Variants in RPS6KA2 observed in about 807,000 individuals in gnomAD.
The protein encoded by RPS6KA2 is ribosomal protein S6 kinase A2, also known as ribosomal protein S6 kinase alpha-2.
In RPS6KA2, 42 loss-of-function variants were observed where a neutral mutation model predicts 91.8. The ratio of observed to expected loss-of-function variants is 0.46; its 90% CI spans 0.36 to 0.59. RPS6KA2 has a LOEUF of 0.59. Among genes scored for constraint, RPS6KA2 ranks in the 20% least tolerant of loss-of-function variants. The pLI is 0.00. For synonymous variants in RPS6KA2, 414 were observed against 393.6 expected, an observed-to-expected ratio of 1.05 and a Z score of -0.61; for missense variants, 798 against 978.5, an observed-to-expected ratio of 0.82 and a Z score of 2.46.
At chr6:166,793,154 G>A (rs1056243806) in intron 2 of RPS6KA2, among the ~76,000 whole-genome samples, 3 of 152,124 alleles carry the variant, frequency 2.0e-5, no homozygotes, top group Non-Finnish European at 2.9e-5. Context: ...AACTTCAGCA[G>A]TCTCAGGATA....
chr6:166,512,239 A>T (rs6936221), intron 3 of RPS6KA2, among the ~76,000 whole-genome samples: 19,243 of 152,212 alleles, frequency 0.13, 4,134 homozygotes, highest in African/African-American at 0.44. Context: ...CTATTGTAGG[A>T]TCCCACTTAT....
intron 1 of RPS6KA2, among the ~76,000 whole-genome samples, chr6:166,553,026 C>T (rs1354882821): frequency 6.6e-6 from 1 of 152,232 alleles, no homozygotes; most frequent in Admixed American, 6.5e-5. Flanking sequence ...TATGAACACA[C>T]ACTTATATAA....
intron 2 of RPS6KA2, among the ~76,000 whole-genome samples, chr6:166,811,128 C>T (rs2128620436): frequency 6.6e-6 from 1 of 152,338 alleles, no homozygotes; most frequent in East Asian, 1.9e-4. Flanking sequence ...GTCAAATATA[C>T]ATGCCATGCG....
chr6:166,580,014 T>G (rs3778391), intron 1 of RPS6KA2, among the ~76,000 whole-genome samples: 1 of 151,842 alleles, frequency 6.6e-6, no homozygotes, highest in African/African-American at 2.4e-5. Context: ...AAGTTCAGCA[T>G]TGAACATGCT....
chr6:166,543,688 C>T (rs937631736), intron 1 of RPS6KA2, among the ~76,000 whole-genome samples: 4 of 152,204 alleles, frequency 2.6e-5, no homozygotes, highest in African/African-American at 4.8e-5. Context: ...CTTGGAACCT[C>T]GTCCTGTCTC....
At chr6:166,692,648 T>A (rs1172683943) in intron 2 of RPS6KA2, among the ~76,000 whole-genome samples, 1 of 152,200 alleles carries the variant, frequency 6.6e-6, no homozygotes, top group African/African-American at 2.4e-5. Context: ...AAAAAAAAGT[T>A]ACAAATGTCA....
intron 2 of RPS6KA2, among the ~76,000 whole-genome samples, chr6:166,773,522 C>A (rs549785477): frequency 6.6e-6 from 1 of 152,232 alleles, no homozygotes; most frequent in Admixed American, 6.5e-5. Context: ...CTGCCTCAGC[C>A]TCGTGAGTAG....
chr6:166,533,878 T>C lies in RPS6KA2; in HGVS notation c.217-2565A>G, dbSNP rs892946288. ...AGAAGGATCTCTTGAGGCCAAGAAT[T>C]TGCAACCAGCCTGGGCAGCATAGCA... is the stretch of plus-strand genomic sequence containing the variant. On this transcript the variant is annotated intron_variant, in intron 2 of 20. Coordinates refer to ENST00000265678, the MANE Select transcript of RPS6KA2 (RefSeq NM_021135.6). This position sits in a 1 kb window ranked among gnomAD's most constrained non-coding sequence, Gnocchi z 4.0. 3.3e-5 allele frequency among the ~76,000 whole-genome samples: 5 copies of C among 152,012 alleles called. No homozygotes were observed. The highest frequency in any genetic ancestry group is 7.4e-5 in the Non-Finnish European group (5 of 67,992).
chr6:166,694,125 G>A (rs968580344), intron 2 of RPS6KA2, among the ~76,000 whole-genome samples: 33 of 152,222 alleles, frequency 2.2e-4, no homozygotes, highest in African/African-American at 7.7e-4. Flanking sequence ...ATCTCCAAAG[G>A]GCTGGATGGC....
At chr6:166,509,810 A>G (rs1379802977) in intron 4 of RPS6KA2, among the ~76,000 whole-genome samples, 1 of 152,242 alleles carries the variant, frequency 6.6e-6, no homozygotes, top group Non-Finnish European at 1.5e-5. Flanking sequence ...GCCTCAGAAC[A>G]TGAAAATAAT....
chr6:166,555,422 C>A lies in RPS6KA2; in HGVS notation c.100-16638G>T, dbSNP rs560923079. ...GAATTCCAGCAACCAGTTTGAAGACCCCCACAGAGGAATGGCATTGGTGTA... is the reference window on the plus strand; with the variant it reads ...GAATTCCAGCAACCAGTTTGAAGACACCCACAGAGGAATGGCATTGGTGTA... On this transcript the variant is annotated intron_variant, in intron 1 of 20. Transcript: ENST00000265678. 1.9e-4 allele frequency among the ~76,000 whole-genome samples: 29 copies of A among 152,274 alleles called. No homozygotes were observed. In the South Asian group the frequency reaches 2.3e-3, roughly 12 times the overall value.
chr6:166,730,256 G>A (rs190696652), intron 2 of RPS6KA2, among the ~76,000 whole-genome samples: 155 of 151,914 alleles, frequency 1.0e-3, no homozygotes, highest in Non-Finnish European at 1.4e-3. Flanking sequence ...CTGGTAAACT[G>A]TATGGGAGGC....
At position 166,603,517 on chromosome 6, in the gene RPS6KA2, C is replaced by G. The variant is rs1432873795; in HGVS notation, c.99+23404G>C. Among the ~76,000 whole-genome samples the G allele has an allele frequency of 6.6e-6, 1 of 152,086 alleles. No individual in the cohort carries two copies. Among genetic ancestry groups the G allele is most frequent in the Non-Finnish European group, 1.5e-5 (1 of 68,010 alleles). On this transcript the variant is annotated intron_variant, in intron 1 of 20. Transcript: ENST00000265678. The surrounding 1 kb of genome is among the most constrained non-coding windows in gnomAD (Gnocchi z 4.3). Reference sequence around the variant, plus strand: ...AATGGGATTAGCATGGGGGCAGCTACCGACCAGTCACCTTCTGGAGTCGAG... The same window carrying G: ...AATGGGATTAGCATGGGGGCAGCTAGCGACCAGTCACCTTCTGGAGTCGAG...
intron 10 of RPS6KA2, among the ~76,000 whole-genome samples, chr6:166,473,367 T>C (rs890788568): frequency 6.6e-6 from 1 of 152,172 alleles, no homozygotes; most frequent in African/African-American, 2.4e-5. Context: ...ATATTTTGTA[T>C]TTTTTGTAGA....
intron 2 of RPS6KA2, among the ~76,000 whole-genome samples, chr6:166,799,705 G>A (rs1779314692): frequency 6.6e-6 from 1 of 152,006 alleles, no homozygotes; most frequent in Non-Finnish European, 1.5e-5. Context: ...TCAATGTTTT[G>A]AAAGGCCAGA....
intron 2 of RPS6KA2, among the ~76,000 whole-genome samples, chr6:166,654,390 G>A (rs969183331): frequency 1.6e-4 from 24 of 151,904 alleles, no homozygotes; most frequent in Admixed American, 1.6e-3. Context: ...CCCCACTGCC[G>A]GCCGGGTGAA....
chr6:166,475,307 C>T (rs539826523), intron 10 of RPS6KA2, among the ~76,000 whole-genome samples: 10 of 152,210 alleles, frequency 6.6e-5, no homozygotes, highest in South Asian at 2.1e-4. Context: ...AGAGCCCCCA[C>T]GCTCACCACA....
At chr6:166,833,978 C>T (rs1780252316) in intron 2 of RPS6KA2, among the ~76,000 whole-genome samples, 1 of 152,014 alleles carries the variant, frequency 6.6e-6, no homozygotes, top group Non-Finnish European at 1.5e-5. Flanking sequence ...AAGTGATCCT[C>T]CCATCTTGGC....
intron 14 of RPS6KA2, among the ~76,000 whole-genome samples, chr6:166,439,081 AT>A (rs1348210288): frequency 1.4e-5 from 2 of 143,166 alleles, no homozygotes; most frequent in East Asian, 2.0e-4. Context: ...CCTGATTCAT[AT>A]TTTTTCTTGT....
Sources: gnomAD v4.1 joint callset for allele counts (sites outside exome capture counted in the v4.1 genomes callset) on GRCh38, gnomAD v4.1.1 for gene constraint, Gnocchi (gnomAD v3.1) non-coding constraint, MANE v1.5 for transcripts, NCBI Gene and HGNC (gene_info 2026-07-23, HGNC 2026-07-21) for gene names.